The following ZBTB43 variants were observed in gnomAD, a reference collection of about 807,000 sequenced individuals.
ZBTB43 encodes zinc finger and BTB domain-containing protein 43.
A neutral mutation model predicts 31.1 loss-of-function variants in ZBTB43; 6 were observed. The ratio of observed to expected loss-of-function variants is 0.19; its 90% confidence interval spans 0.11 to 0.38. The LOEUF is 0.38. Ranked by LOEUF, ZBTB43 falls within the 10% of genes least tolerant of loss-of-function variation. ZBTB43 has a pLI of 1.00. For missense variants in ZBTB43, 379 were observed against 602.1 expected (o/e 0.63, Z 3.88); for synonymous variants, 212 against 221.7 (o/e 0.96, Z 0.39).
In ZBTB43 at chr9:126,835,626, T is replaced by C. The variant is rs769681404; in HGVS notation, c.*1713T>C. 4 of 167,032 alleles carry C rather than the reference T, an allele frequency of 2.4e-5. No individual in the cohort carries two copies. Among genetic ancestry groups the C allele is most frequent in the Non-Finnish European group, 2.9e-5 (2 of 68,110 alleles). 10.3% of individuals were successfully genotyped at this position (167,032 alleles called of 1,614,324 possible). ...AAATACTTATTTACCAGTTAACTCTTGTAAGCAAGATTACAAACAGGGATT... is the reference window on the plus strand; with the variant it reads ...AAATACTTATTTACCAGTTAACTCTCGTAAGCAAGATTACAAACAGGGATT... On this transcript the variant is annotated 3_prime_UTR_variant, in exon 3 of 3. Transcript: ENST00000373464.
rs899667676 is a variant in ZBTB43 at position 126,809,852 on chromosome 9, T to C, written c.-24+937T>C. Among the ~76,000 whole-genome samples, 3 of 152,188 alleles carry C rather than the reference T, an allele frequency of 2.0e-5. No individual in the cohort carries two copies. The East Asian group carries it at 5.8e-4, about 29-fold the overall frequency. On this transcript the variant is annotated intron_variant, in intron 2 of 2. Coordinates refer to ENST00000373464, the MANE Select transcript of ZBTB43 (RefSeq NM_014007.4). ...TAAAACTGCTGGTATCTTTTTTTTT[T>C]TGAGACAGAGTCTCGCTTTGTCGCC...
At chr9:126,830,820 G>A (rs2032748557) in intron 2 of ZBTB43, among the ~76,000 whole-genome samples, 1 of 142,764 alleles carries the variant, frequency 7.0e-6, no homozygotes, top group African/African-American at 3.1e-5. Flanking sequence ...CATCTTGTGT[G>A]CCATTGTTAG....
At chr9:126,806,970 CAT>C (rs2032139858) in intron 1 of ZBTB43, among the ~76,000 whole-genome samples, 1 of 152,200 alleles carries the variant, frequency 6.6e-6, no homozygotes, top group South Asian at 2.1e-4. Flanking sequence ...GAAGAAAACT[CAT>C]AAGGTTGAAA....
At chr9:126,806,002 C>CA (rs902646533) in intron 1 of ZBTB43, among the ~76,000 whole-genome samples, 1 of 152,216 alleles carries the variant, frequency 6.6e-6, no homozygotes, top group African/African-American at 2.4e-5. Flanking sequence ...ACATAAGTGT[C>CA]AGAGTGCAGG....
intron 2 of ZBTB43, among the ~76,000 whole-genome samples, chr9:126,829,491 A>T (rs371566138): frequency 1.3e-5 from 2 of 152,202 alleles, no homozygotes; most frequent in African/African-American, 4.8e-5. Context: ...TTTTTGTGCT[A>T]ATGTGGGAAG....
chr9:126,806,478 C>T (rs2032129923), intron 1 of ZBTB43, among the ~76,000 whole-genome samples: 1 of 152,040 alleles, frequency 6.6e-6, no homozygotes, highest in Admixed American at 6.6e-5. Context: ...TTACCAGGGG[C>T]TGGGGAGAGG....
intron 2 of ZBTB43, among the ~76,000 whole-genome samples, chr9:126,816,908 A>G (rs975868142): frequency 6.6e-6 from 1 of 152,032 alleles, no homozygotes; most frequent in African/African-American, 2.4e-5. Flanking sequence ...TGCCAAGGTA[A>G]TGTGCAACCT....
intron 2 of ZBTB43, among the ~76,000 whole-genome samples, chr9:126,830,246 C>T (rs2032736548): frequency 6.6e-6 from 1 of 152,236 alleles, no homozygotes; most frequent in Non-Finnish European, 1.5e-5. Flanking sequence ...CCTAACATAT[C>T]ATAATTACTC....
chr9:126,811,946 T>C (rs1021368031), intron 2 of ZBTB43, among the ~76,000 whole-genome samples: 2 of 152,178 alleles, frequency 1.3e-5, no homozygotes, highest in African/African-American at 2.4e-5. Context: ...TTTAAACAGC[T>C]TTACAGAGAC....
At chr9:126,818,815 A>G (rs1002495463) in intron 2 of ZBTB43, among the ~76,000 whole-genome samples, 1 of 152,116 alleles carries the variant, frequency 6.6e-6, no homozygotes, top group African/African-American at 2.4e-5. Flanking sequence ...GTATTGGTCT[A>G]TAGTTTTTGT....
Position 126,834,104 on chromosome 9 carries a change from G to A in ZBTB43, c.*191G>A, listed in dbSNP as rs1228159672. 11 of 629,654 alleles carry A rather than the reference G, an allele frequency of 1.7e-5. No homozygotes were observed. The highest frequency in any genetic ancestry group is 2.8e-5 in the Non-Finnish European group (11 of 394,750). 39.0% of individuals were successfully genotyped at this position (629,654 alleles called of 1,614,324 possible). A position where few individuals can be genotyped will look rare whatever the true frequency, so the allele number is the denominator to read the frequency against. On this transcript the variant is annotated 3_prime_UTR_variant, in exon 3 of 3. Coordinates refer to ENST00000373464, the MANE Select transcript of ZBTB43 (RefSeq NM_014007.4). ...TAATTCCTCAAATTTGTGTGTTCCA[G>A]TCCTGGCCTGGAATGGGTAATGGGG... is the stretch of plus-strand genomic sequence containing the variant.
upstream of ZBTB43, among the ~76,000 whole-genome samples, chr9:126,804,501 GTTGT>G (rs1374905987): frequency 2.6e-5 from 4 of 152,176 alleles, no homozygotes; most frequent in East Asian, 1.9e-4. Context: ...TGTTGTTGTT[GTTGT>G]TTAAGAGTCT....
rs530658407 is a variant in ZBTB43, at chr9:126,825,950, G to A, written c.-23-6537G>A. On this transcript the variant is annotated intron_variant, in intron 2 of 2. Transcript: ENST00000373464. Reference sequence around the variant, plus strand: ...AACCTCCTGCCTCCCGGGCTCAAGCGATTCTCATGCCTCAGCCTCCTGGGT... The same window carrying A: ...AACCTCCTGCCTCCCGGGCTCAAGCAATTCTCATGCCTCAGCCTCCTGGGT... Among the ~76,000 whole-genome samples, 18 of 145,956 alleles carry A rather than the reference G, an allele frequency of 1.2e-4. 1 individual carries two copies. The highest frequency in any genetic ancestry group is 7.3e-3 in the Middle Eastern group (2 of 274).
intron 2 of ZBTB43, among the ~76,000 whole-genome samples, chr9:126,819,290 T>TA (rs900210518): frequency 1.4e-5 from 2 of 146,876 alleles, no homozygotes; most frequent in African/African-American, 5.2e-5. Flanking sequence ...TTTTTTTTTT[T>TA]TTTTTTTTTT....
chr9:126,826,454 C>CTTTTTTTTTTTTTTTTTTTTTTT lies in ZBTB43; in HGVS notation c.-23-6028_-23-6006dup, dbSNP rs35094731. Reference sequence around the variant, plus strand: ...GCGCCACCACTCCTGGCCCCCCCGCCTTTTTTTTTTTTTTTTTTTTTTTTT... The same window carrying CTTTTTTTTTTTTTTTTTTTTTTT: ...GCGCCACCACTCCTGGCCCCCCCGCCTTTTTTTTTTTTTTTTTTTTTTTTTTTTTTTTTTTTTTTTTTTTTTTT... On this transcript the variant is annotated intron_variant, in intron 2 of 2. Transcript: ENST00000373464. Among the ~76,000 whole-genome samples, 4 of 53,598 alleles carry CTTTTTTTTTTTTTTTTTTTTTTT rather than the reference C, an allele frequency of 7.5e-5. 1 individual carries two copies. The highest frequency in any genetic ancestry group is 2.0e-3 in the East Asian group (2 of 1,010). The allele number at this position is 53,598 out of a possible 152,430, so 35.2% of individuals were successfully genotyped here.
At chr9:126,825,940 G>A (rs562601330) in intron 2 of ZBTB43, among the ~76,000 whole-genome samples, 259 of 148,422 alleles carry the variant, frequency 1.7e-3, no homozygotes, top group African/African-American at 6.2e-3. Context: ...CCTGCCTCCC[G>A]GGCTCAAGCG....
At chr9:126,804,555 G>A (rs2032079823), upstream of ZBTB43, among the ~76,000 whole-genome samples, 1 of 152,166 alleles carries the variant, frequency 6.6e-6, no homozygotes, top group Non-Finnish European at 1.5e-5. Flanking sequence ...CGTGATCTCG[G>A]CTCACTGCAA....
intron 2 of ZBTB43, among the ~76,000 whole-genome samples, chr9:126,829,244 A>G (rs2032715913): frequency 2.0e-5 from 3 of 152,196 alleles, no homozygotes; most frequent in Non-Finnish European, 2.9e-5. Context: ...TGATGACCCA[A>G]GAGTTCAAGG....
At chr9:126,807,854 T>A (rs1455082801) in intron 1 of ZBTB43, among the ~76,000 whole-genome samples, 1 of 152,202 alleles carries the variant, frequency 6.6e-6, no homozygotes, top group Non-Finnish European at 1.5e-5. Flanking sequence ...CAGACTGGTC[T>A]CAAACTCCTG....
Sources: allele counts gnomAD v4.1 joint callset (sites outside exome capture counted in the v4.1 genomes callset), GRCh38; gene constraint gnomAD v4.1.1; transcripts MANE v1.5; gene names NCBI Gene and HGNC (gene_info 2026-07-23, HGNC 2026-07-21).